Variants in RABGAP1L observed in about 807,000 individuals in gnomAD.
The protein encoded by RABGAP1L is rab GTPase-activating protein 1-like.
Under a neutral mutation model 137.7 loss-of-function variants are expected in RABGAP1L, and 63 were observed. The ratio of observed to expected loss-of-function variants is 0.46; its 90% CI spans 0.37 to 0.56. The LOEUF (loss-of-function observed/expected upper bound fraction) is 0.56. RABGAP1L is among the 20% of genes least tolerant of loss of function. The pLI, the probability that RABGAP1L is intolerant of heterozygous loss-of-function variation, is 0.00. For missense variants in RABGAP1L, 1,095 were observed against 1,244.0 expected, an observed-to-expected ratio of 0.88 and a Z score of 1.80; for synonymous variants, 431 against 433.7, an observed-to-expected ratio of 0.99 and a Z score of 0.08.
chr1:174,647,848 G>A (rs1183188873), intron 14 of RABGAP1L, among the ~76,000 whole-genome samples: 1 of 151,966 alleles, frequency 6.6e-6, no homozygotes, highest in South Asian at 2.1e-4. Context: ...GGCTTTATTT[G>A]GTTGGTAGGC....
chr1:174,443,621 T>C (rs1341607002), intron 13 of RABGAP1L, among the ~76,000 whole-genome samples: 1 of 151,620 alleles, frequency 6.6e-6, no homozygotes, highest in East Asian at 1.9e-4. Context: ...TATTTTCCCA[T>C]TTTTTAGGTT....
intron 19 of RABGAP1L, among the ~76,000 whole-genome samples, chr1:174,838,429 A>G (rs1692984956): frequency 6.6e-6 from 1 of 152,194 alleles, no homozygotes; most frequent in African/African-American, 2.4e-5. Flanking sequence ...TACCATCTTG[A>G]CCACATCTCA....
intron 19 of RABGAP1L, chr1:174,849,839 G>C: frequency 1.8e-6 from 1 of 556,494 alleles, no homozygotes; most frequent in Non-Finnish European, 3.6e-6. Context: ...TTTTGCCTTT[G>C]GGAATGATCT....
chr1:174,447,674 C>G (rs1654918693), intron 13 of RABGAP1L, among the ~76,000 whole-genome samples: 1 of 152,156 alleles, frequency 6.6e-6, no homozygotes, highest in Non-Finnish European at 1.5e-5. Flanking sequence ...AACTGCCTCT[C>G]TTAGGAGAAC....
At chr1:174,696,546 G>T (rs1197814467) in intron 15 of RABGAP1L, among the ~76,000 whole-genome samples, 2 of 152,110 alleles carry the variant, frequency 1.3e-5, no homozygotes, top group East Asian at 1.9e-4. Context: ...GGACACCAGG[G>T]CACTTTAGTC....
intron 13 of RABGAP1L, among the ~76,000 whole-genome samples, chr1:174,505,448 C>T (rs770817786): frequency 5.3e-5 from 8 of 150,756 alleles, no homozygotes; most frequent in Non-Finnish European, 7.4e-5. Context: ...CTAGCAAACA[C>T]ATGGGCATTT....
At chr1:174,664,723 C>CTGCTTTTTT (rs1557963963) in intron 14 of RABGAP1L, among the ~76,000 whole-genome samples, 3 of 111,412 alleles carry the variant, frequency 2.7e-5, no homozygotes, top group African/African-American at 1.4e-4. Context: ...TTCTTTCTTT[C>CTGCTTTTTT]TTTCTGCTTT....
intron 19 of RABGAP1L, among the ~76,000 whole-genome samples, chr1:174,925,945 A>G (rs538489547): frequency 2.1e-5 from 3 of 140,388 alleles, no homozygotes; most frequent in Non-Finnish European, 3.1e-5. Context: ...GCTGACTGCA[A>G]CCTCTCCTCC....
At chr1:174,207,586 A>T (rs892170850) in intron 1 of RABGAP1L, among the ~76,000 whole-genome samples, 2 of 152,256 alleles carry the variant, frequency 1.3e-5, no homozygotes, top group Middle Eastern at 3.4e-3. Context: ...CCAACTTCCT[A>T]CCTGATGCTG....
rs186846478 is a variant in RABGAP1L, at chr1:174,829,727, G to A, written c.2340+17767G>A. ...AAAGATTGCTAATGTAATTACTAAT[G>A]TAATATAATTACTAATAGATCACAA... On this transcript the variant is annotated intron_variant, in intron 19 of 25. Coordinates refer to ENST00000681986, the MANE Select transcript of RABGAP1L (RefSeq NM_001366446.1). Among the ~76,000 whole-genome samples the A allele has an allele frequency of 1.6e-4, 24 of 148,542 alleles. 1 individual carries two copies. Among genetic ancestry groups the A allele is most frequent in the African/African-American group, 5.1e-4 (21 of 40,794 alleles).
At chr1:174,855,985 A>G (rs1474641809) in intron 19 of RABGAP1L, among the ~76,000 whole-genome samples, 1 of 152,190 alleles carries the variant, frequency 6.6e-6, no homozygotes, top group Non-Finnish European at 1.5e-5. Context: ...AGTTATATAA[A>G]CTACTTTTTA....
chr1:174,755,159 G>T (rs1267960158), intron 18 of RABGAP1L, among the ~76,000 whole-genome samples: 2 of 152,122 alleles, frequency 1.3e-5, no homozygotes, highest in Non-Finnish European at 2.9e-5. Context: ...ATTCTGTGTT[G>T]CTCAGTTAGG....
intron 14 of RABGAP1L, among the ~76,000 whole-genome samples, chr1:174,663,582 G>A (rs139275065): frequency 4.3e-4 from 66 of 152,214 alleles, no homozygotes; most frequent in African/African-American, 1.5e-3. Context: ...GAATGCCTGT[G>A]CATATATGTA....
At chr1:174,465,987 A>G (rs1340372966) in intron 13 of RABGAP1L, among the ~76,000 whole-genome samples, 1 of 152,208 alleles carries the variant, frequency 6.6e-6, no homozygotes, top group Non-Finnish European at 1.5e-5. Context: ...TAGCCGCAGT[A>G]TTCTCTTGCT....
chr1:174,714,307 T>C (rs1680827128), intron 17 of RABGAP1L, among the ~76,000 whole-genome samples: 1 of 152,362 alleles, frequency 6.6e-6, no homozygotes, highest in South Asian at 2.1e-4. Context: ...CTTTCTCTCT[T>C]AGCACCCTGT....
chr1:174,565,288 C>T (rs1429050352), intron 13 of RABGAP1L, among the ~76,000 whole-genome samples: 5 of 152,128 alleles, frequency 3.3e-5, no homozygotes, highest in Admixed American at 6.6e-5. Flanking sequence ...TGTAATGAAA[C>T]GTGGCTTTCC....
At chr1:174,701,185 C>A (rs1679619095) in intron 16 of RABGAP1L, 2 of 1,290,572 alleles carry the variant, frequency 1.5e-6, no homozygotes, top group African/African-American at 3.1e-5. Flanking sequence ...GCTGTTCATG[C>A]TTTTGAAAAC....
At chr1:174,586,760 C>A (rs1169225075) in intron 13 of RABGAP1L, among the ~76,000 whole-genome samples, 1 of 152,056 alleles carries the variant, frequency 6.6e-6, no homozygotes, top group Non-Finnish European at 1.5e-5. Flanking sequence ...CCACACCCAG[C>A]TAATTTTGTA....
chr1:174,879,466 C>T (rs1236443489), intron 19 of RABGAP1L, among the ~76,000 whole-genome samples: 2 of 152,018 alleles, frequency 1.3e-5, no homozygotes, highest in African/African-American at 4.8e-5. Context: ...AACTTCTGAC[C>T]TCATGATCCA....
Sources: gnomAD v4.1 joint callset for allele counts (sites outside exome capture counted in the v4.1 genomes callset) on GRCh38, gnomAD v4.1.1 for gene constraint, MANE v1.5 for transcripts, NCBI Gene and HGNC (gene_info 2026-07-23, HGNC 2026-07-21) for gene names.